The following GLMN variants were observed in gnomAD, a reference collection of about 807,000 sequenced individuals.
GLMN encodes glomulin.
Under a neutral mutation model 87.8 loss-of-function variants are expected in GLMN, and 75 were observed. The observed-to-expected ratio is 0.85, with a 90% confidence interval of 0.71 to 1.04. GLMN has a LOEUF of 1.04. Among genes scored for constraint, GLMN ranks in the 50% least tolerant of loss-of-function variants. GLMN has a pLI of 0.00. For synonymous variants in GLMN, 206 were observed against 221.6 expected (o/e 0.93, Z 0.63); for missense variants, 588 against 658.8 (o/e 0.89, Z 1.18).
chr1:92,358,065 A>T, the GLMN span, among the ~76,000 whole-genome samples: 1 of 152,122 alleles, frequency 6.6e-6, no homozygotes, highest in Non-Finnish European at 1.5e-5. Flanking sequence ...GTAGAATAAC[A>T]TCATAAAATC....
At chr1:92,259,691 G>T (rs1369590055) in intron 16 of GLMN, among the ~76,000 whole-genome samples, 1 of 150,282 alleles carries the variant, frequency 6.7e-6, no homozygotes, top group Non-Finnish European at 1.5e-5. Context: ...CCATATTTCA[G>T]CATCACCAGA....
intron 7 of GLMN, among the ~76,000 whole-genome samples, chr1:92,283,999 T>C (rs1216623807): frequency 6.6e-6 from 1 of 152,224 alleles, no homozygotes; most frequent in African/African-American, 2.4e-5. Flanking sequence ...GAACATTCCA[T>C]GCTCATGAAT....
the GLMN span, among the ~76,000 whole-genome samples, chr1:92,359,528 C>G: frequency 1.3e-5 from 2 of 152,190 alleles, no homozygotes; most frequent in Non-Finnish European, 2.9e-5. Flanking sequence ...CCATGTTGGC[C>G]AGGCTGGTCC....
At chr1:92,339,744 A>T in the GLMN span, among the ~76,000 whole-genome samples, 1 of 152,148 alleles carries the variant, frequency 6.6e-6, no homozygotes, top group Non-Finnish European at 1.5e-5. Flanking sequence ...AGCCGGGCAC[A>T]GTGGCTCATG....
chr1:92,289,317 G>A (rs1403373456), intron 5 of GLMN, among the ~76,000 whole-genome samples, 166 bp from the exon 6 acceptor site: 1 of 152,076 alleles, frequency 6.6e-6, no homozygotes, highest in Non-Finnish European at 1.5e-5. Context: ...TCTTAGTTGT[G>A]CATAAAATAA....
At chr1:92,329,664 G>C in the GLMN span, among the ~76,000 whole-genome samples, 1 of 152,294 alleles carries the variant, frequency 6.6e-6, no homozygotes, top group East Asian at 1.9e-4. Flanking sequence ...AGTTAGTCCT[G>C]CCTCCTATCT....
At chr1:92,342,138 C>G in the GLMN span, among the ~76,000 whole-genome samples, 1 of 152,124 alleles carries the variant, frequency 6.6e-6, no homozygotes. Context: ...TCCTTTGAAG[C>G]AGGGAAATCA....
chr1:92,252,570 A>AC (rs1393100766), intron 16 of GLMN, among the ~76,000 whole-genome samples: 2 of 152,168 alleles, frequency 1.3e-5, no homozygotes, highest in Non-Finnish European at 2.9e-5. Flanking sequence ...GCCTAAAGAA[A>AC]TTTTTTACAT....
chr1:92,335,235 T>G, the GLMN span, among the ~76,000 whole-genome samples: 12 of 152,126 alleles, frequency 7.9e-5, no homozygotes, highest in Admixed American at 7.9e-4. Flanking sequence ...GCCACTGCAC[T>G]CCAGCCTGGG....
At chr1:92,337,883 CA>C in the GLMN span, among the ~76,000 whole-genome samples, 1 of 152,002 alleles carries the variant, frequency 6.6e-6, no homozygotes, top group African/African-American at 2.4e-5. Context: ...TACATTTCTG[CA>C]AAGTTTGAGT....
chr1:92,326,347 C>G, the GLMN span, among the ~76,000 whole-genome samples: 1 of 152,190 alleles, frequency 6.6e-6, no homozygotes, highest in Non-Finnish European at 1.5e-5. Flanking sequence ...ATACCAGCAC[C>G]TGCTCTGGTG....
chr1:92,267,863 C>A, intron 11 of GLMN, 50 bp downstream of exon 11: 1 of 918,372 alleles, frequency 1.1e-6, no homozygotes, highest in South Asian at 1.3e-5. Context: ...ACTTTAAGTT[C>A]AGAACAGGCA....
At chr1:92,267,300 A>T (rs1655744357) in intron 11 of GLMN, among the ~76,000 whole-genome samples, 1 of 152,230 alleles carries the variant, frequency 6.6e-6, no homozygotes, top group Non-Finnish European at 1.5e-5. Flanking sequence ...ATCCCTACAG[A>T]AATAAAGTGT....
At chr1:92,267,703 CAAA>C (rs10718329) in intron 11 of GLMN, among the ~76,000 whole-genome samples, 2 of 142,822 alleles carry the variant, frequency 1.4e-5, no homozygotes, top group Non-Finnish European at 3.1e-5. Flanking sequence ...GACTACACCT[CAAA>C]AAAAAAAAAA....
At chr1:92,299,020 G>A (rs1403709195), upstream of GLMN, 1 of 990,894 alleles carries the variant, frequency 1.0e-6, no homozygotes, top group Non-Finnish European at 1.4e-6. Flanking sequence ...AGGGAGGCGG[G>A]GCCTCGGGGC....
Position 92,268,013 on chromosome 1 carries a change from A to G in GLMN, c.1009-11T>C. 1 of 1,477,570 alleles carries G rather than the reference A, an allele frequency of 6.8e-7. No homozygotes were observed. Among genetic ancestry groups the G allele is most frequent in the Non-Finnish European group, 9.5e-7 (1 of 1,055,284 alleles). The allele number at this position is 1,477,570 out of a possible 1,614,324, so 91.5% of individuals were successfully genotyped here. On this transcript the variant is annotated splice_polypyrimidine_tract_variant and intron_variant, in intron 10 of 18. Coordinates refer to ENST00000370360, the MANE Select transcript of GLMN (RefSeq NM_053274.3). ...ATTCTCCAGCAGCTCCTACAGATTAAAATATATGCAGATACATATATAGTG... is the reference window on the plus strand; with the variant it reads ...ATTCTCCAGCAGCTCCTACAGATTAGAATATATGCAGATACATATATAGTG...
chr1:92,269,149 G>A (rs749452516), intron 9 of GLMN, among the ~76,000 whole-genome samples: 12 of 150,014 alleles, frequency 8.0e-5, no homozygotes, highest in South Asian at 2.1e-4. Flanking sequence ...CAATCCTCTC[G>A]CCTTGGTCTC....
the GLMN span, among the ~76,000 whole-genome samples, chr1:92,361,092 A>AAT: frequency 8.3e-6 from 1 of 120,088 alleles, no homozygotes; most frequent in Non-Finnish European, 1.7e-5. Flanking sequence ...ATATATATAT[A>AAT]ATATATATAT....
the GLMN span, among the ~76,000 whole-genome samples, chr1:92,345,437 A>G: frequency 6.0e-5 from 8 of 133,320 alleles, no homozygotes; most frequent in East Asian, 2.6e-4. Context: ...GGAAGGAAGG[A>G]AGGGAGGGAG....
Sources: gnomAD v4.1 joint callset for allele counts (sites outside exome capture counted in the v4.1 genomes callset) on GRCh38, gnomAD v4.1.1 for gene constraint, MANE v1.5 for transcripts, NCBI Gene and HGNC (gene_info 2026-07-23, HGNC 2026-07-21) for gene names.